The following RPS6KC1 variants were observed in gnomAD, a reference collection of about 807,000 sequenced individuals.
The protein encoded by RPS6KC1 is inactive ribosomal protein S6 kinase delta-1.
Under a neutral mutation model 103.8 loss-of-function variants are expected in RPS6KC1, and 54 were observed. That is an observed-to-expected ratio of 0.52 (90% CI 0.42 to 0.65). The LOEUF is 0.65. Among genes scored for constraint, RPS6KC1 ranks in the 30% least tolerant of loss-of-function variants. The probability of loss-of-function intolerance (pLI) is 0.00; values close to 1 mark genes in which losing one functional copy is unlikely to be tolerated. For synonymous variants in RPS6KC1, 439 were observed against 438.7 expected, an observed-to-expected ratio of 1.00 and a Z score of -0.01; for missense variants, 1,151 against 1,253.8, an observed-to-expected ratio of 0.92 and a Z score of 1.24.
At chr1:213,677,293 A>C in the RPS6KC1 span, among the ~76,000 whole-genome samples, 2 of 152,182 alleles carry the variant, frequency 1.3e-5, no homozygotes, top group Non-Finnish European at 2.9e-5. Context: ...TGACAGCTGA[A>C]AAGATCTAGT....
Position 213,261,540 on chromosome 1 carries a change from C to CT in RPS6KC1, c.2912-12dup. 6.2e-7 allele frequency: 1 copy of CT among 1,609,610 alleles called. No individual in the cohort carries two copies. Among genetic ancestry groups the CT allele is most frequent in the Non-Finnish European group, 8.5e-7 (1 of 1,177,138 alleles). On this transcript the variant is annotated splice_polypyrimidine_tract_variant and intron_variant, in intron 12 of 14. Transcript: ENST00000366960. ...TGACCTTTGGAATTTTAATATCAAC[C>CT]TTTTTTGGTGTGGTTAGAGGTTGGA...
the RPS6KC1 span, among the ~76,000 whole-genome samples, chr1:213,860,820 T>C: frequency 1.3e-5 from 2 of 151,828 alleles, no homozygotes; most frequent in Non-Finnish European, 2.9e-5. Context: ...TTTTCTTTTT[T>C]TTTTTTGACA....
At chr1:213,061,218 A>T (rs2077809273) in intron 1 of RPS6KC1, among the ~76,000 whole-genome samples, 1 of 152,216 alleles carries the variant, frequency 6.6e-6, no homozygotes, top group Admixed American at 6.5e-5. Flanking sequence ...TTTAGGAGAA[A>T]CACAAACATT....
chr1:213,564,474 T>G, the RPS6KC1 span, among the ~76,000 whole-genome samples: 4 of 152,258 alleles, frequency 2.6e-5, no homozygotes, highest in Non-Finnish European at 5.9e-5. Flanking sequence ...TGGTATTCTG[T>G]TTTATAGTTC....
the RPS6KC1 span, among the ~76,000 whole-genome samples, chr1:213,786,767 A>C: frequency 6.6e-6 from 1 of 152,214 alleles, no homozygotes; most frequent in African/African-American, 2.4e-5. Flanking sequence ...TCATTATTTC[A>C]GTGGCCCCTG....
At chr1:213,610,799 T>G in the RPS6KC1 span, among the ~76,000 whole-genome samples, 190 of 152,340 alleles carry the variant, frequency 1.2e-3, no homozygotes, top group Non-Finnish European at 2.1e-3. Flanking sequence ...AGGGTCAGTT[T>G]GCTCCGGTGG....
chr1:213,790,874 A>T, the RPS6KC1 span, among the ~76,000 whole-genome samples: 21 of 152,224 alleles, frequency 1.4e-4, no homozygotes, highest in Non-Finnish European at 2.1e-4. Context: ...ATTTGGAATA[A>T]GGAAGCTCTG....
chr1:213,859,254 AT>A, the RPS6KC1 span, among the ~76,000 whole-genome samples: 1 of 152,302 alleles, frequency 6.6e-6, no homozygotes, highest in South Asian at 2.1e-4. Context: ...ATGTATTGTG[AT>A]TTGGAGTGGG....
At chr1:213,692,403 A>T in the RPS6KC1 span, among the ~76,000 whole-genome samples, 47 of 147,616 alleles carry the variant, frequency 3.2e-4, 1 homozygote, top group African/African-American at 1.2e-3. Context: ...AAAAAAAAAA[A>T]TAAATAAAGT....
chr1:213,314,990 C>T, the RPS6KC1 span, among the ~76,000 whole-genome samples: 15 of 152,112 alleles, frequency 9.9e-5, no homozygotes, highest in African/African-American at 2.9e-4. Flanking sequence ...AAATGGGCAG[C>T]GCATCATTAC....
chr1:213,819,334 C>A, the RPS6KC1 span: 35 of 152,196 alleles, frequency 2.3e-4, no homozygotes, highest in Non-Finnish European at 4.6e-4. Flanking sequence ...TAAAACATCA[C>A]AAAAGCCAGA....
the RPS6KC1 span, among the ~76,000 whole-genome samples, chr1:213,457,405 A>G: frequency 1.3e-5 from 2 of 152,220 alleles, no homozygotes; most frequent in African/African-American, 4.8e-5. Context: ...TGGCAGGTGA[A>G]GCTGATGAAC....
the RPS6KC1 span, among the ~76,000 whole-genome samples, chr1:213,723,976 A>G: frequency 2.0e-5 from 3 of 152,128 alleles, no homozygotes; most frequent in African/African-American, 7.2e-5. Context: ...CTCATCCCCA[A>G]CCTTCAGGCA....
the RPS6KC1 span, among the ~76,000 whole-genome samples, chr1:213,718,697 C>A: frequency 6.6e-6 from 1 of 152,232 alleles, no homozygotes; most frequent in East Asian, 1.9e-4. Flanking sequence ...TCAAAAGCTG[C>A]CCCATCAACC....
chr1:213,116,252 A>T (rs1019878130), intron 4 of RPS6KC1, among the ~76,000 whole-genome samples: 1 of 151,690 alleles, frequency 6.6e-6, no homozygotes, highest in African/African-American at 2.4e-5. Context: ...TTGGGTGCAT[A>T]TATATTTAGG....
At chr1:213,643,987 T>C in the RPS6KC1 span, among the ~76,000 whole-genome samples, 1 of 152,042 alleles carries the variant, frequency 6.6e-6, no homozygotes. Context: ...TGAATTTCTT[T>C]TATACAAAGC....
chr1:213,354,958 C>G, the RPS6KC1 span, among the ~76,000 whole-genome samples: 1 of 152,196 alleles, frequency 6.6e-6, no homozygotes, highest in Non-Finnish European at 1.5e-5. Flanking sequence ...TGGCTCACAC[C>G]TGTAATCCCA....
At chr1:213,281,771 C>T in the RPS6KC1 span, among the ~76,000 whole-genome samples, 1 of 152,194 alleles carries the variant, frequency 6.6e-6, no homozygotes, top group African/African-American at 2.4e-5. Flanking sequence ...CCTGCTGCAG[C>T]TGTCTCCTTT....
At chr1:213,372,479 G>A in the RPS6KC1 span, among the ~76,000 whole-genome samples, 1 of 152,162 alleles carries the variant, frequency 6.6e-6, no homozygotes, top group Admixed American at 6.5e-5. Context: ...TGTCGAGGGG[G>A]AGCAGGCTGG....
Sources: allele counts gnomAD v4.1 joint callset (sites outside exome capture counted in the v4.1 genomes callset), GRCh38; gene constraint gnomAD v4.1.1; transcripts MANE v1.5; gene names NCBI Gene and HGNC (gene_info 2026-07-23, HGNC 2026-07-21).